FHIT: variants seen among roughly 807,000 people sequenced by gnomAD.
FHIT encodes the protein fragile histidine triad diadenosine triphosphatase.
In FHIT, 19 loss-of-function variants were observed where a neutral mutation model predicts 17.9. The ratio of observed to expected loss-of-function variants is 1.06; its 90% CI spans 0.74 to 1.56. The LOEUF is 1.56. Among genes scored for constraint, FHIT ranks in the 40% most tolerant of loss-of-function variants. The probability of loss-of-function intolerance (pLI) is 0.00; values close to 1 mark genes in which losing one functional copy is unlikely to be tolerated. For missense variants in FHIT, 248 were observed against 189.2 expected (o/e 1.31, Z -1.82); for synonymous variants, 81 against 69.7 (o/e 1.16, Z -0.81).
At chr3:60,366,390 G>A (rs60556501) in intron 5 of FHIT, among the ~76,000 whole-genome samples, 18,328 of 152,182 alleles carry the variant, frequency 0.12, 1,574 homozygotes, top group East Asian at 0.26. Flanking sequence ...CTCCCAAAGT[G>A]CTGGGATTAT....
chr3:60,378,423 G>C (rs528386053), intron 5 of FHIT, among the ~76,000 whole-genome samples: 1 of 152,206 alleles, frequency 6.6e-6, no homozygotes, highest in Admixed American at 6.5e-5. Context: ...CTGCCTTGCA[G>C]ATAGAGCTTA....
chr3:61,228,490 C>T (rs764737997), intron 1 of FHIT, among the ~76,000 whole-genome samples: 2 of 152,200 alleles, frequency 1.3e-5, no homozygotes, highest in African/African-American at 2.4e-5. Context: ...ATTCTAACTT[C>T]ATCTTTGGGT....
intron 5 of FHIT, among the ~76,000 whole-genome samples, chr3:60,286,321 A>G (rs927367865): frequency 3.3e-5 from 5 of 152,192 alleles, no homozygotes; most frequent in Non-Finnish European, 7.3e-5. Context: ...AATAAATTAG[A>G]GTCATTAGCC....
At chr3:60,620,849 A>G (rs2039103859) in intron 4 of FHIT, among the ~76,000 whole-genome samples, 1 of 152,198 alleles carries the variant, frequency 6.6e-6, no homozygotes, top group Non-Finnish European at 1.5e-5. Context: ...TGTAAAAAAT[A>G]TACCACACTA....
chr3:59,894,012 A>G (rs1182201763), intron 8 of FHIT, among the ~76,000 whole-genome samples: 1 of 152,186 alleles, frequency 6.6e-6, no homozygotes, highest in Non-Finnish European at 1.5e-5. Context: ...TGCCTGTAAA[A>G]TACCAGCACT....
At chr3:59,953,298 C>T (rs548605706) in intron 7 of FHIT, among the ~76,000 whole-genome samples, 8 of 151,942 alleles carry the variant, frequency 5.3e-5, no homozygotes, top group Admixed American at 2.0e-4. Context: ...GTGTGAGTGT[C>T]TCTCTCTCCT....
At chr3:60,114,497 T>TTTTTTTG (rs1704861823) in intron 5 of FHIT, among the ~76,000 whole-genome samples, 1 of 126,636 alleles carries the variant, frequency 7.9e-6, no homozygotes, top group Admixed American at 7.8e-5. Context: ...TCCTTTTTTT[T>TTTTTTTG]TTTTTTTTTT....
At chr3:60,842,637 A>ATTTTT (rs1702770703) in intron 3 of FHIT, among the ~76,000 whole-genome samples, 1 of 36,252 alleles carries the variant, frequency 2.8e-5, no homozygotes, top group African/African-American at 6.8e-5. Flanking sequence ...GTGTATATAT[A>ATTTTT]TATATATATT....
At chr3:60,035,342 T>C (rs1288579841) in intron 5 of FHIT, among the ~76,000 whole-genome samples, 1 of 152,148 alleles carries the variant, frequency 6.6e-6, no homozygotes, top group Non-Finnish European at 1.5e-5. Context: ...GTTCAAGCAA[T>C]TTTCCTGCCT....
chr3:61,006,141 CAA>C, intron 3 of FHIT, among the ~76,000 whole-genome samples: 1 of 152,038 alleles, frequency 6.6e-6, no homozygotes, highest in Middle Eastern at 3.4e-3. Context: ...ATGCTGATGG[CAA>C]AGAGAACTTG....
intron 3 of FHIT, among the ~76,000 whole-genome samples, chr3:61,002,061 T>C (rs2031122287): frequency 6.6e-6 from 1 of 152,220 alleles, no homozygotes; most frequent in Non-Finnish European, 1.5e-5. Flanking sequence ...ATGTGATGTT[T>C]TGATATATGC....
At chr3:60,029,907 G>GTGTGTGTGTGTGTGTGTGTGTGTGTGTC (rs1553655785) in intron 5 of FHIT, among the ~76,000 whole-genome samples, 6 of 132,544 alleles carry the variant, frequency 4.5e-5, no homozygotes, top group African/African-American at 1.6e-4. Flanking sequence ...CTGTGTGTGT[G>GTGTGTGTGTGTGTGTGTGTGTGTGTGTC]TGTGTGTGTG....
chr3:60,097,478 T>A (rs1203127103), intron 5 of FHIT, among the ~76,000 whole-genome samples: 1 of 152,012 alleles, frequency 6.6e-6, no homozygotes, highest in Non-Finnish European at 1.5e-5. Flanking sequence ...ACAACATGAG[T>A]TTGAACTGTG....
At chr3:60,009,188 T>C (rs905655619) in intron 7 of FHIT, among the ~76,000 whole-genome samples, 78 of 139,854 alleles carry the variant, frequency 5.6e-4, no homozygotes, top group African/African-American at 2.0e-3. Context: ...TGTGTGTGTG[T>C]GTGTGTGTGT....
At chr3:60,599,946 C>G (rs1553668206) in intron 4 of FHIT, among the ~76,000 whole-genome samples, 1 of 152,110 alleles carries the variant, frequency 6.6e-6, no homozygotes, top group African/African-American at 2.4e-5. Context: ...TTACTAGATG[C>G]CAGCAGCATC....
intron 7 of FHIT, among the ~76,000 whole-genome samples, chr3:59,963,781 T>G (rs893910365): frequency 6.6e-6 from 1 of 152,164 alleles, no homozygotes; most frequent in Non-Finnish European, 1.5e-5. Flanking sequence ...TACTACAAAT[T>G]AGGGAAAATG....
chr3:60,078,039 A>C (rs1046677506), intron 5 of FHIT, among the ~76,000 whole-genome samples: 1 of 152,148 alleles, frequency 6.6e-6, no homozygotes, highest in Non-Finnish European at 1.5e-5. Context: ...CAGAATTTCA[A>C]GTCATAAATA....
rs1709126949 is a variant in FHIT at position 60,955,811 on chromosome 3, TA to T, written c.-111+86235del. Among the ~76,000 whole-genome samples, 2 of 151,898 alleles carry T rather than the reference TA, an allele frequency of 1.3e-5. 1 individual carries two copies. Among genetic ancestry groups the T allele is most frequent in the South Asian group, 4.1e-4 (2 of 4,828 alleles). On this transcript the variant is annotated intron_variant, in intron 3 of 9. Transcript: ENST00000492590. ...AAAACACTTCAGTAGATGGTAATGT[TA>T]CAGTTCTTAAGGTAGATGGTGGTTC...
chr3:60,169,337 C>A (rs1048545998), intron 5 of FHIT, among the ~76,000 whole-genome samples: 1 of 152,116 alleles, frequency 6.6e-6, no homozygotes, highest in African/African-American at 2.4e-5. Flanking sequence ...CCGGGCTCCA[C>A]AAACTAGGTA....
Sources: allele counts gnomAD v4.1 joint callset (sites outside exome capture counted in the v4.1 genomes callset), GRCh38; gene constraint gnomAD v4.1.1; transcripts MANE v1.5; gene names NCBI Gene and HGNC (gene_info 2026-07-23, HGNC 2026-07-21).